ETFRF1: variants seen among roughly 807,000 people sequenced by gnomAD.
ETFRF1 encodes electron transfer flavoprotein regulatory factor 1, also known as LYR motif containing 5.
A neutral mutation model predicts 9.0 loss-of-function variants in ETFRF1; 12 were observed. That is an observed-to-expected ratio of 1.34 (90% confidence interval 0.86 to 2.16). The LOEUF (loss-of-function observed/expected upper bound fraction) is 2.16, where lower values mean the gene tolerates loss of function less well. Among genes scored for constraint, ETFRF1 ranks in the 30% most tolerant of loss-of-function variants. The pLI, the probability that ETFRF1 is intolerant of heterozygous loss-of-function variation, is 0.00. For synonymous variants in ETFRF1, 34 were observed against 33.2 expected, an observed-to-expected ratio of 1.02 and a Z score of -0.08; for missense variants, 98 against 101.8, an observed-to-expected ratio of 0.96 and a Z score of 0.16.
At chr12:25,195,491 C>T in intron 1 of ETFRF1, 154 bp downstream of exon 1, 1 of 330,864 alleles carries the variant, frequency 3.0e-6, no homozygotes, top group Non-Finnish European at 5.7e-6. Flanking sequence ...TGTGTTGGGT[C>T]TTTCTGTGAG....
At chr12:25,198,574 G>T (rs1951049969) in intron 1 of ETFRF1, among the ~76,000 whole-genome samples, 1 of 151,982 alleles carries the variant, frequency 6.6e-6, no homozygotes, top group Non-Finnish European at 1.5e-5. Context: ...GCTCAGAAGT[G>T]ATAAGAGACA....
At position 25,204,003 on chromosome 12, in the gene ETFRF1, A is replaced by C. The variant is rs780796164; in HGVS notation, c.47A>C (p.Lys16Thr). 5 of 1,508,910 alleles carry C rather than the reference A, an allele frequency of 3.3e-6. No individual in the cohort carries two copies. The highest frequency in any genetic ancestry group is 2.4e-5 in the Admixed American group (1 of 41,314). The allele number at this position is 1,508,910 out of a possible 1,614,324, so 93.5% of individuals were successfully genotyped here. The change falls in exon 2 of 3, where the codon AAA becomes ACA. Residue 16 changes from lysine (K) to threonine (T), a missense_variant. Coordinates refer to ENST00000381356, the MANE Select transcript of ETFRF1 (RefSeq NM_001001660.3). Reference protein sequence around the residue: ...SLRGEVLKLYKNLLYLGRDYP... With the variant: ...SLRGEVLKLYTNLLYLGRDYP... ...AGAGGAGAAGTACTAAAACTTTATA[A>C]AAATGTAAGTAATTATGTTGCCAAT...
intron 1 of ETFRF1, 103 bp downstream of exon 1, chr12:25,195,440 G>T (rs1022568535): frequency 1.5e-5 from 7 of 471,066 alleles, no homozygotes; most frequent in African/African-American, 1.4e-4. Context: ...TGGGAAGAGG[G>T]TTCTGAGCGT....
chr12:25,198,782 TAAATGTATGACCTTCAGTTAAG>T (rs1158762771), intron 1 of ETFRF1, among the ~76,000 whole-genome samples: 2 of 152,182 alleles, frequency 1.3e-5, no homozygotes, highest in African/African-American at 4.8e-5. Flanking sequence ...AGAAAAGCAG[TAAATGTATGACCTTCAGTTAAG>T]AAAAGGTCAT....
In ETFRF1 at chr12:25,204,790, C is replaced by T. The variant is rs371324761; in HGVS notation, c.*478C>T. 2 of 187,272 alleles carry T rather than the reference C, an allele frequency of 1.1e-5. No individual in the cohort carries two copies. Among genetic ancestry groups the T allele is most frequent in the Non-Finnish European group, 2.3e-5 (2 of 88,390 alleles). The allele number at this position is 187,272 out of a possible 1,614,324, so 11.6% of individuals were successfully genotyped here. A position where few individuals can be genotyped will look rare whatever the true frequency, so the allele number is the denominator to read the frequency against. ...AGGTTCACTACAAAACAAACAGTTC[C>T]TGGTAATGATTTAAATGTAGTTATA... On this transcript the variant is annotated 3_prime_UTR_variant, in exon 3 of 3. Transcript: ENST00000381356.
At chr12:25,203,671 T>A (rs1951096040) in intron 1 of ETFRF1, 1 of 291,040 alleles carries the variant, frequency 3.4e-6, no homozygotes, top group East Asian at 6.8e-5. Context: ...ACTTTCTCAT[T>A]TCCTTCATGT....
chr12:25,204,458 T>C lies in ETFRF1; in HGVS notation c.*146T>C, dbSNP rs1302690189. The C allele has an allele frequency of 4.4e-5, 24 of 547,674 alleles. No homozygotes were observed. The highest frequency in any genetic ancestry group is 2.9e-6 in the Non-Finnish European group (1 of 341,180). The allele number at this position is 547,674 out of a possible 1,614,324, so 33.9% of individuals were successfully genotyped here. A position where few individuals can be genotyped will look rare whatever the true frequency, so the allele number is the denominator to read the frequency against. On this transcript the variant is annotated 3_prime_UTR_variant, in exon 3 of 3. Transcript: ENST00000381356. ...ACTGAACTAAATAGGTTTCAACTTCTGTTCATACGGAGAAAGTATCAGCAA... is the reference window on the plus strand; with the variant it reads ...ACTGAACTAAATAGGTTTCAACTTCCGTTCATACGGAGAAAGTATCAGCAA...
At chr12:25,199,619 TACACACACACACACAC>T (rs56221882) in intron 1 of ETFRF1, among the ~76,000 whole-genome samples, 1 of 143,598 alleles carries the variant, frequency 7.0e-6, no homozygotes, top group Admixed American at 7.0e-5. Context: ...TATGTATACA[TACACACACACACACAC>T]ACACACACAC....
At chr12:25,202,407 G>C (rs1040506574) in intron 1 of ETFRF1, among the ~76,000 whole-genome samples, 1 of 152,098 alleles carries the variant, frequency 6.6e-6, no homozygotes, top group Non-Finnish European at 1.5e-5. Context: ...GCCTCTGGGG[G>C]TAGGGACTTG....
rs574905947 is a variant in ETFRF1 at position 25,198,561 on chromosome 12, ACAGCT to A, written c.-38+3228_-38+3232del. 6.6e-5 allele frequency among the ~76,000 whole-genome samples: 10 copies of A among 152,292 alleles called. 1 individual carries two copies. In the South Asian group the frequency reaches 2.1e-3, roughly 32 times the overall value. ...AAGCAGAAAAGCAATTTGAAGTAAA[ACAGCT>A]CAGAAGTGATAAGAGACAAAAGCAA... On this transcript the variant is annotated intron_variant, in intron 1 of 2. Coordinates refer to ENST00000381356, the MANE Select transcript of ETFRF1 (RefSeq NM_001001660.3).
chr12:25,203,644 A>G (rs1002086497), intron 1 of ETFRF1: 2 of 259,542 alleles, frequency 7.7e-6, no homozygotes, highest in Admixed American at 1.0e-4. Flanking sequence ...ACACGTACCT[A>G]TCTGTGATGA....
rs181602869 is a variant in ETFRF1, at chr12:25,201,431, G to A, written c.-37-2489G>A. On this transcript the variant is annotated intron_variant, in intron 1 of 2. Coordinates refer to ENST00000381356, the MANE Select transcript of ETFRF1 (RefSeq NM_001001660.3). ...TCAAATTGCCAAAATTAAATATTTA[G>A]GGCAATGTTCATGAGTGCTGGGAAA... Among the ~76,000 whole-genome samples, 17 of 152,158 alleles carry A rather than the reference G, an allele frequency of 1.1e-4. 1 individual carries two copies. Among genetic ancestry groups the A allele is most frequent in the African/African-American group, 4.1e-4 (17 of 41,514 alleles).
Position 25,204,020 on chromosome 12 carries a change from G to A in ETFRF1, c.51+13G>A. ...ACTTTATAAAAATGTAAGTAATTAT[G>A]TTGCCAATTTTATAAAAATGTTATT... is the stretch of plus-strand genomic sequence containing the variant. On this transcript the variant is annotated intron_variant, in intron 2 of 2. Coordinates refer to ENST00000381356, the MANE Select transcript of ETFRF1 (RefSeq NM_001001660.3). The A allele has an allele frequency of 6.6e-7, 1 of 1,518,704 alleles. No individual in the cohort carries two copies. 94.1% of individuals were successfully genotyped at this position (1,518,704 alleles called of 1,614,324 possible).
chr12:25,201,230 T>C lies in ETFRF1; in HGVS notation c.-37-2690T>C, dbSNP rs565307943. Among the ~76,000 whole-genome samples the C allele has an allele frequency of 1.2e-3, 187 of 152,346 alleles. 1 individual carries two copies. Among genetic ancestry groups the C allele is most frequent in the South Asian group, 6.0e-3 (29 of 4,830 alleles). Reference sequence around the variant, plus strand: ...GAAATCAGGTATCAATTCTACACTTTGATCTTTCCACATGCTTCAGTTGTG... The same window carrying C: ...GAAATCAGGTATCAATTCTACACTTCGATCTTTCCACATGCTTCAGTTGTG... On this transcript the variant is annotated intron_variant, in intron 1 of 2. Coordinates refer to ENST00000381356, the MANE Select transcript of ETFRF1 (RefSeq NM_001001660.3).
chr12:25,197,416 A>T (rs1337678743), intron 1 of ETFRF1, among the ~76,000 whole-genome samples: 1 of 152,184 alleles, frequency 6.6e-6, no homozygotes, highest in Non-Finnish European at 1.5e-5. Context: ...ATCTATGTAT[A>T]TTTAATTTTA....
At position 25,204,316 on chromosome 12, in the gene ETFRF1, T is replaced by C; in HGVS notation, c.*4T>C. 3.2e-6 allele frequency: 5 copies of C among 1,552,826 alleles called. No individual in the cohort carries two copies. The highest frequency in any genetic ancestry group is 2.6e-6 in the Non-Finnish European group (3 of 1,155,402). On this transcript the variant is annotated 3_prime_UTR_variant, in exon 3 of 3. Coordinates refer to ENST00000381356, the MANE Select transcript of ETFRF1 (RefSeq NM_001001660.3). ...AGATACCAACAAAACTAATTGATCA[T>C]TACTACTTTAATTTAGCTATCAGTG...
chr12:25,195,465 G>T, intron 1 of ETFRF1, 128 bp downstream of exon 1: 1 of 415,294 alleles, frequency 2.4e-6, no homozygotes, highest in East Asian at 5.2e-5. Flanking sequence ...TGACGTTGAC[G>T]GTTTATTTCC....
chr12:25,202,911 T>C (rs1486905123), intron 1 of ETFRF1, among the ~76,000 whole-genome samples: 1 of 152,150 alleles, frequency 6.6e-6, no homozygotes, highest in African/African-American at 2.4e-5. Context: ...CGTATGTATA[T>C]ACACTTGCAG....
At chr12:25,199,550 C>G (rs1951057412) in intron 1 of ETFRF1, among the ~76,000 whole-genome samples, 1 of 149,872 alleles carries the variant, frequency 6.7e-6, no homozygotes, top group Non-Finnish European at 1.5e-5. Context: ...GGTGGGAAAA[C>G]TACATACTAT....
Sources: allele counts gnomAD v4.1 joint callset (sites outside exome capture counted in the v4.1 genomes callset), GRCh38; gene constraint gnomAD v4.1.1; transcripts MANE v1.5; gene names NCBI Gene and HGNC (gene_info 2026-07-23, HGNC 2026-07-21).